Variants in ANKRD30B observed in about 807,000 individuals in gnomAD.
ANKRD30B encodes the protein ankyrin repeat domain 30B.
ANKRD30B carries 144 observed loss-of-function variants against 202.2 expected under a neutral mutation model. The observed-to-expected ratio is 0.71, with a 90% confidence interval of 0.62 to 0.82. The LOEUF is 0.82. ANKRD30B is among the 40% of genes least tolerant of loss of function. The pLI is 0.00. For synonymous variants in ANKRD30B, 508 were observed against 561.3 expected, an observed-to-expected ratio of 0.91 and a Z score of 1.34; for missense variants, 1,487 against 1,669.1, an observed-to-expected ratio of 0.89 and a Z score of 1.90.
chr18:14,805,073 A>G (rs1423907065), intron 24 of ANKRD30B, among the ~76,000 whole-genome samples: 3 of 150,618 alleles, frequency 2.0e-5, no homozygotes, highest in Admixed American at 6.6e-5. Context: ...AAATATATAT[A>G]TATATGTATA....
chr18:14,777,937 A>T, intron 9 of ANKRD30B, 48 bp from the exon 10 acceptor site: 1 of 1,409,242 alleles, frequency 7.1e-7, no homozygotes, highest in Non-Finnish European at 9.7e-7. Context: ...TCTCAAAAAA[A>T]CAAAAAAAGG....
intron 30 of ANKRD30B, among the ~76,000 whole-genome samples, chr18:14,820,119 A>G (rs1390376946): frequency 6.6e-6 from 1 of 152,072 alleles, no homozygotes. Context: ...ATTCTCTTTG[A>G]AGCAATTGTG....
intron 4 of ANKRD30B, among the ~76,000 whole-genome samples, chr18:14,756,366 C>T (rs1281190160): frequency 6.6e-6 from 1 of 152,094 alleles, no homozygotes; most frequent in Non-Finnish European, 1.5e-5. Context: ...CCTGTTCACT[C>T]TGATGGTAGT....
Position 14,848,756 on chromosome 18 carries a change from T to A in ANKRD30B, c.3222T>A (p.Ser1074=). ...CAAAAATCTTGGATGCACTTCCTTC[T>A]TGTGAAAGAGGAAGGGAACTTAAAA... is the stretch of plus-strand genomic sequence containing the variant. ...TLSKILDALP[S]CERGRELKKD... The change falls in exon 40 of 44, where the codon TCT becomes TCA. Residue 1074 remains serine (S), a synonymous_variant. Transcript: ENST00000690538. 1.3e-6 allele frequency: 2 copies of A among 1,567,872 alleles called. No individual in the cohort carries two copies. Among genetic ancestry groups the A allele is most frequent in the South Asian group, 2.4e-5 (2 of 84,734 alleles).
chr18:14,819,521 T>C (rs1468147727), intron 30 of ANKRD30B, among the ~76,000 whole-genome samples: 2 of 152,196 alleles, frequency 1.3e-5, no homozygotes, highest in Non-Finnish European at 2.9e-5. Context: ...CTTTAATCCA[T>C]CTTGAATTAC....
chr18:14,815,181 CT>C (rs1226220006), intron 30 of ANKRD30B, among the ~76,000 whole-genome samples: 1 of 88,024 alleles, frequency 1.1e-5, no homozygotes, highest in Non-Finnish European at 2.3e-5. Context: ...TATTCTGACT[CT>C]TCCTGTCTTT....
chr18:14,920,687 C>A, the ANKRD30B span, among the ~76,000 whole-genome samples: 1 of 152,340 alleles, frequency 6.6e-6, no homozygotes, highest in South Asian at 2.1e-4. Context: ...ATTCTCCAGG[C>A]TGAAAGTGTA....
rs1255103393 is a variant in ANKRD30B, at chr18:14,852,297, T to C, written c.4353T>C (p.Asn1451=). 6.5e-7 allele frequency: 1 copy of C among 1,544,580 alleles called. No individual in the cohort carries two copies. The highest frequency in any genetic ancestry group is 8.7e-7 in the Non-Finnish European group (1 of 1,144,946). Reference sequence around the variant, plus strand: ...TTAACAAAAGCAAGGTAACAATTAATATTCAGTTTCCTGAGATGAAAATGC... The same window carrying C: ...TTAACAAAAGCAAGGTAACAATTAACATTCAGTTTCCTGAGATGAAAATGC... ...KKVNKSKVTI[N]IQFPEMKMQR... Residue 1451 remains asparagine (N), a synonymous_variant, in exon 42 of 44, where the codon AAT becomes AAC. Coordinates refer to ENST00000690538, the MANE Select transcript of ANKRD30B (RefSeq NM_001367607.2).
the ANKRD30B span, among the ~76,000 whole-genome samples, chr18:14,912,862 A>T: frequency 3.3e-5 from 5 of 152,238 alleles, no homozygotes; most frequent in Admixed American, 3.3e-4. Context: ...AAACTTAAAA[A>T]TCTACAATCC....
rs567864268 is a variant in ANKRD30B at position 14,824,525 on chromosome 18, C to A, written c.2743+1848C>A. ...ACCAGTCACTAGAAAAGCAAATGTT[C>A]TTACTGTGATTAGCTTAGAATAATG... On this transcript the variant is annotated intron_variant, in intron 32 of 43. Coordinates refer to ENST00000690538, the MANE Select transcript of ANKRD30B (RefSeq NM_001367607.2). 3.3e-5 allele frequency among the ~76,000 whole-genome samples: 5 copies of A among 152,172 alleles called. No individual in the cohort carries two copies. In the East Asian group the frequency reaches 7.7e-4, roughly 24 times the overall value.
the ANKRD30B span, among the ~76,000 whole-genome samples, chr18:14,874,490 A>G: frequency 6.6e-6 from 1 of 152,200 alleles, no homozygotes; most frequent in Non-Finnish European, 1.5e-5. Flanking sequence ...ATGAACATCA[A>G]CCTTAACAAT....
chr18:14,860,566 CA>C, the ANKRD30B span, among the ~76,000 whole-genome samples: 2 of 149,540 alleles, frequency 1.3e-5, no homozygotes, highest in East Asian at 4.0e-4. Flanking sequence ...ACTCACCTCC[CA>C]GATGATGGGC....
chr18:14,922,504 A>C, the ANKRD30B span, among the ~76,000 whole-genome samples: 1 of 151,386 alleles, frequency 6.6e-6, no homozygotes, highest in Admixed American at 6.6e-5. Flanking sequence ...AAATACAAAA[A>C]ATTAGCCGGG....
chr18:14,896,976 A>C, the ANKRD30B span, among the ~76,000 whole-genome samples: 2 of 151,712 alleles, frequency 1.3e-5, no homozygotes, highest in African/African-American at 2.4e-5. Flanking sequence ...AAAAAAAAAA[A>C]AAAAACAGGA....
intron 9 of ANKRD30B, among the ~76,000 whole-genome samples, chr18:14,772,683 C>T (rs1054162944): frequency 2.1e-4 from 31 of 148,326 alleles, no homozygotes; most frequent in African/African-American, 6.7e-4. Flanking sequence ...TGTTCAGTTC[C>T]GAAACTGTGC....
the ANKRD30B span, among the ~76,000 whole-genome samples, chr18:14,899,908 T>C: frequency 6.6e-6 from 1 of 152,176 alleles, no homozygotes; most frequent in South Asian, 2.1e-4. Flanking sequence ...TACATAATAG[T>C]GAACATCATT....
intron 30 of ANKRD30B, among the ~76,000 whole-genome samples, chr18:14,822,266 A>G (rs1335699945): frequency 2.0e-5 from 3 of 152,002 alleles, no homozygotes; most frequent in African/African-American, 2.4e-5. Context: ...AAATCTTCAC[A>G]GCATGTTTGA....
intron 9 of ANKRD30B, among the ~76,000 whole-genome samples, chr18:14,775,165 A>G (rs551509012): frequency 7.2e-4 from 110 of 152,308 alleles, no homozygotes; most frequent in African/African-American, 2.5e-3. Flanking sequence ...ATTTTCTGAC[A>G]TTTATCAGAA....
At chr18:14,852,686 T>C (rs1219287393) in intron 42 of ANKRD30B, 5 of 253,860 alleles carry the variant, frequency 2.0e-5, no homozygotes, top group Non-Finnish European at 2.9e-5. Context: ...CATTGGCTTA[T>C]ACTGCTGAAA....
Sources: gnomAD v4.1 joint callset for allele counts (sites outside exome capture counted in the v4.1 genomes callset) on GRCh38, gnomAD v4.1.1 for gene constraint, MANE v1.5 for transcripts, NCBI Gene and HGNC (gene_info 2026-07-23, HGNC 2026-07-21) for gene names.